Variants in DCBLD1 observed in about 807,000 individuals in gnomAD.
DCBLD1 encodes the protein discoidin, CUB and LCCL domain containing 1.
Under a neutral mutation model 71.5 loss-of-function variants are expected in DCBLD1, and 57 were observed. The observed-to-expected ratio is 0.80, with a 90% CI of 0.64 to 0.99. The LOEUF (loss-of-function observed/expected upper bound fraction) is 0.99, where lower values mean the gene tolerates loss of function less well. Ranked by LOEUF, DCBLD1 falls within the 50% of genes least tolerant of loss-of-function variation. DCBLD1 has a pLI of 0.00. For synonymous variants in DCBLD1, 380 were observed against 363.8 expected, an observed-to-expected ratio of 1.04 and a Z score of -0.51; for missense variants, 891 against 923.5, an observed-to-expected ratio of 0.96 and a Z score of 0.46.
At chr6:117,537,662 CTTTTTTTT>C (rs68032011) in intron 7 of DCBLD1, among the ~76,000 whole-genome samples, 896 of 46,778 alleles carry the variant, frequency 0.019, 9 homozygotes, top group African/African-American at 0.081. Flanking sequence ...TACATAGCAC[CTTTTTTTT>C]TTTTTTTTTT....
chr6:117,503,884 G>A lies in DCBLD1; in HGVS notation c.230G>A (p.Gly77Glu), dbSNP rs755093205. Reference protein sequence around the residue: ...VCEKTITVPKGKRLILRLGDL... With the variant: ...VCEKTITVPKEKRLILRLGDL... Reference sequence around the variant, plus strand: ...GAAAAGACAATTACAGTACCAAAGGGGAAAAGACTGATTCTGAGGTTGGGA... The same window carrying A: ...GAAAAGACAATTACAGTACCAAAGGAGAAAAGACTGATTCTGAGGTTGGGA... Residue 77 changes from glycine to glutamate, a missense_variant, in exon 2 of 15, where the codon GGG becomes GAG. Transcript: ENST00000338728. 8.7e-6 allele frequency: 14 copies of A among 1,613,936 alleles called. No individual in the cohort carries two copies. Among genetic ancestry groups the A allele is most frequent in the Non-Finnish European group, 1.0e-5 (12 of 1,180,002 alleles).
intron 14 of DCBLD1, chr6:117,562,015 G>A (rs1235840491): frequency 3.4e-5 from 7 of 205,424 alleles, no homozygotes; most frequent in East Asian, 3.0e-4. Context: ...TTAACTGTAC[G>A]TCCTTTAAAA....
At chr6:117,492,942 T>C (rs991256200) in intron 1 of DCBLD1, among the ~76,000 whole-genome samples, 4 of 152,228 alleles carry the variant, frequency 2.6e-5, no homozygotes, top group Non-Finnish European at 4.4e-5. Flanking sequence ...AATTCCTGAA[T>C]TGACACTTTT....
chr6:117,554,466 G>A (rs1185607915), downstream of DCBLD1, among the ~76,000 whole-genome samples: 1 of 152,136 alleles, frequency 6.6e-6, no homozygotes, highest in Admixed American at 6.5e-5. Context: ...TCCTCCATAG[G>A]ACTCCTCCCT....
chr6:117,563,501 A>C, intron 14 of DCBLD1: 3 of 907,984 alleles, frequency 3.3e-6, no homozygotes, highest in Non-Finnish European at 5.2e-6. Flanking sequence ...GTGGGTGGAT[A>C]ACCTGAGGTT....
In DCBLD1 at chr6:117,549,484, A is replaced by T. The variant is rs1779386562; in HGVS notation, c.*1045A>T. On this transcript the variant is annotated 3_prime_UTR_variant, in exon 15 of 15. Coordinates refer to ENST00000338728, the MANE Select transcript of DCBLD1 (RefSeq NM_001366458.2). Reference sequence around the variant, plus strand: ...ACAGTCCAGACATCAGCTGTACCTCATGCTCAGTAGTTTTTATTTGAGTTT... The same window carrying T: ...ACAGTCCAGACATCAGCTGTACCTCTTGCTCAGTAGTTTTTATTTGAGTTT... 13 of 984,626 alleles carry T rather than the reference A, an allele frequency of 1.3e-5. No individual in the cohort carries two copies. The South Asian group carries it at 4.7e-4, about 36-fold the overall frequency. The allele number at this position is 984,626 out of a possible 1,614,324, so 61.0% of individuals were successfully genotyped here. A position where few individuals can be genotyped will look rare whatever the true frequency, so the allele number is the denominator to read the frequency against.
Position 117,503,852 on chromosome 6 carries a change from T to G in DCBLD1, c.198T>G (p.Thr66=). 1 of 1,614,126 alleles carries G rather than the reference T, an allele frequency of 6.2e-7. No individual in the cohort carries two copies. The highest frequency in any genetic ancestry group is 8.5e-7 in the Non-Finnish European group (1 of 1,180,008). ...KNYPGTYPNH[T]VCEKTITVPK... ...ATCCCGGGACCTACCCCAATCACAC[T>G]GTTTGCGAAAAGACAATTACAGTAC... Residue 66 remains threonine (T), a synonymous_variant, in exon 2 of 15, where the codon ACT becomes ACG. Transcript: ENST00000338728.
At chr6:117,521,699 G>T in intron 4 of DCBLD1, 123 bp downstream of exon 4, 1 of 828,564 alleles carries the variant, frequency 1.2e-6, no homozygotes, top group Non-Finnish European at 1.9e-6. Context: ...TAACTAATGA[G>T]GAATATTTGA....
intron 14 of DCBLD1, among the ~76,000 whole-genome samples, chr6:117,567,390 TCAG>T (rs1779720151): frequency 6.6e-6 from 1 of 152,178 alleles, no homozygotes; most frequent in Non-Finnish European, 1.5e-5. Context: ...ACACAGCAAT[TCAG>T]CAAATACATC....
rs74682590 is a variant in DCBLD1 at position 117,556,280 on chromosome 6, G to A, written c.1615+10683G>A. Reference sequence around the variant, plus strand: ...CAGGTTTTGTACATGCATATATTGCGTAGTGGTGGAGTTTGGGCTTTTAGT... The same window carrying A: ...CAGGTTTTGTACATGCATATATTGCATAGTGGTGGAGTTTGGGCTTTTAGT... On this transcript the variant is annotated intron_variant, in intron 14 of 14. Coordinates refer to the DCBLD1 transcript ENST00000296955. Among the ~76,000 whole-genome samples the A allele has an allele frequency of 3.7e-3, 558 of 152,138 alleles. 2 individuals carry two copies. The highest frequency in any genetic ancestry group is 0.014 in the Middle Eastern group (4 of 294).
rs1779242350 is a variant in DCBLD1, at chr6:117,545,621, G to A, written c.1615+24G>A. On this transcript the variant is annotated intron_variant, in intron 14 of 14. Transcript: ENST00000338728. Reference sequence around the variant, plus strand: ...AGGTAAGTGTCATATTTCTAGGACTGTGCTATTAGATTGGAGGTGCTGCTT... The same window carrying A: ...AGGTAAGTGTCATATTTCTAGGACTATGCTATTAGATTGGAGGTGCTGCTT... 4 of 1,602,720 alleles carry A rather than the reference G, an allele frequency of 2.5e-6. No individual in the cohort carries two copies. In the Middle Eastern group the frequency reaches 6.6e-4, roughly 266 times the overall value.
intron 14 of DCBLD1, among the ~76,000 whole-genome samples, chr6:117,546,446 TGTGCACATCA>T (rs1345640299): frequency 7.2e-5 from 11 of 152,162 alleles, no homozygotes; most frequent in Non-Finnish European, 1.6e-4. Flanking sequence ...AGGTGACGCC[TGTGCACATCA>T]GTGACTGGGA....
At chr6:117,545,741 C>T in intron 14 of DCBLD1, 144 bp downstream of exon 14, 1 of 1,238,078 alleles carries the variant, frequency 8.1e-7, no homozygotes, top group Non-Finnish European at 1.1e-6. Flanking sequence ...GCATTCTGCA[C>T]AGAATTACAA....
At chr6:117,500,616 C>T (rs978282145) in intron 1 of DCBLD1, among the ~76,000 whole-genome samples, 1 of 152,168 alleles carries the variant, frequency 6.6e-6, no homozygotes, top group African/African-American at 2.4e-5. Flanking sequence ...CCTGTAATCC[C>T]AGCACTTTGG....
intron 6 of DCBLD1, 142 bp from the exon 7 acceptor site, chr6:117,537,043 G>GCA (rs1778904555): frequency 8.1e-6 from 6 of 740,820 alleles, no homozygotes; most frequent in Non-Finnish European, 2.3e-6. Context: ...GAAGATAATA[G>GCA]CAGTAGGTTT....
In DCBLD1 at chr6:117,486,128, C is replaced by T. The variant is rs189426927; in HGVS notation, c.112+3235C>T. Among the ~76,000 whole-genome samples the T allele has an allele frequency of 2.0e-4, 30 of 152,308 alleles. 1 individual carries two copies. The East Asian group carries it at 3.7e-3, about 19-fold the overall frequency. On this transcript the variant is annotated intron_variant, in intron 1 of 14. Coordinates refer to ENST00000338728, the MANE Select transcript of DCBLD1 (RefSeq NM_001366458.2). ...ACCCTTTAACCTTGTGGAACTGACACAGACTTGAAAATCATTTTAAAAAAC... is the reference window on the plus strand; with the variant it reads ...ACCCTTTAACCTTGTGGAACTGACATAGACTTGAAAATCATTTTAAAAAAC...
In DCBLD1 at chr6:117,548,535, T is replaced by G; in HGVS notation, c.*96T>G. On this transcript the variant is annotated 3_prime_UTR_variant, in exon 15 of 15. Coordinates refer to ENST00000338728, the MANE Select transcript of DCBLD1 (RefSeq NM_001366458.2). ...TGCTGGTCCAGAGTGTGCGTGTGTATCGGTGTGTGTGTACACTTGCATGTG... is the reference window on the plus strand; with the variant it reads ...TGCTGGTCCAGAGTGTGCGTGTGTAGCGGTGTGTGTGTACACTTGCATGTG... 1 of 1,513,136 alleles carries G rather than the reference T, an allele frequency of 6.6e-7. No individual in the cohort carries two copies. Among genetic ancestry groups the G allele is most frequent in the Non-Finnish European group, 8.8e-7 (1 of 1,135,170 alleles). The allele number at this position is 1,513,136 out of a possible 1,614,324, so 93.7% of individuals were successfully genotyped here. A position where few individuals can be genotyped will look rare whatever the true frequency, so the allele number is the denominator to read the frequency against.
At chr6:117,484,704 A>G (rs1777024217) in intron 1 of DCBLD1, among the ~76,000 whole-genome samples, 1 of 152,174 alleles carries the variant, frequency 6.6e-6, no homozygotes, top group Non-Finnish European at 1.5e-5. Context: ...ATAAAATGCT[A>G]CCATCTGTGT....
intron 5 of DCBLD1, among the ~76,000 whole-genome samples, chr6:117,526,148 A>G (rs1266406607): frequency 6.6e-6 from 1 of 152,108 alleles, no homozygotes. Flanking sequence ...ACCTTTATCT[A>G]CTTGTTCTAG....
Sources: allele counts gnomAD v4.1 joint callset (sites outside exome capture counted in the v4.1 genomes callset), GRCh38; gene constraint gnomAD v4.1.1; transcripts MANE v1.5; gene names NCBI Gene and HGNC (gene_info 2026-07-23, HGNC 2026-07-21).